Variants in UNK observed in about 807,000 individuals in gnomAD.
The protein encoded by UNK is unk zinc finger.
Under a neutral mutation model 97.6 loss-of-function variants are expected in UNK, and 32 were observed. The ratio of observed to expected loss-of-function variants is 0.33; its 90% CI spans 0.25 to 0.44. The LOEUF (loss-of-function observed/expected upper bound fraction) is 0.44. Ranked by LOEUF, UNK falls within the 20% of genes least tolerant of loss-of-function variation. UNK has a pLI of 1.00. For missense variants in UNK, 771 were observed against 1,098.4 expected (o/e 0.70, Z 4.21); for synonymous variants, 441 against 461.2 (o/e 0.96, Z 0.56).
intron 1 of UNK, among the ~76,000 whole-genome samples, chr17:75,786,724 G>C (rs1359887214): frequency 1.3e-5 from 2 of 152,184 alleles, no homozygotes; most frequent in Non-Finnish European, 2.9e-5. Flanking sequence ...GGGTGTGCTG[G>C]CGGGCGCCTG....
chr17:75,795,363 A>G (rs897659217), intron 1 of UNK, among the ~76,000 whole-genome samples: 1 of 151,928 alleles, frequency 6.6e-6, no homozygotes, highest in Non-Finnish European at 1.5e-5. Context: ...TTTTTGAGAC[A>G]GGGTCTCGCT....
In UNK at chr17:75,819,883, C is replaced by T. The variant is rs2062050795; in HGVS notation, c.1649-37C>T. Reference sequence around the variant, plus strand: ...GTGTGGCCCGCCTGGCTTCCGCTGCCCTCACCCAGCCCGTCCTCCCCGGGC... The same window carrying T: ...GTGTGGCCCGCCTGGCTTCCGCTGCTCTCACCCAGCCCGTCCTCCCCGGGC... On this transcript the variant is annotated intron_variant, in intron 12 of 15. Coordinates refer to ENST00000589666, the MANE Select transcript of UNK (RefSeq NM_001080419.3). This position sits in a 1 kb window ranked among gnomAD's most constrained non-coding sequence, Gnocchi z 5.4. 1 of 1,601,880 alleles carries T rather than the reference C, an allele frequency of 6.2e-7. No homozygotes were observed. The highest frequency in any genetic ancestry group is 8.5e-7 in the Non-Finnish European group (1 of 1,173,536).
At chr17:75,813,243 G>C (rs1370497936) in intron 5 of UNK, 30 bp downstream of exon 5, 1 of 1,555,254 alleles carries the variant, frequency 6.4e-7, no homozygotes, top group South Asian at 1.2e-5. Context: ...CCAGCCACGG[G>C]AGGGAGGAGT....
In UNK at chr17:75,812,295, T is replaced by C; in HGVS notation, c.491+7T>C. The C allele has an allele frequency of 6.2e-7, 1 of 1,608,340 alleles. No individual in the cohort carries two copies. Among genetic ancestry groups the C allele is most frequent in the Non-Finnish European group, 8.5e-7 (1 of 1,176,260 alleles). Reference sequence around the variant, plus strand: ...CCCCTGTCTACGACATCAGGTGGGCTGGGTGCTGGGCTGGGCTGATGGCAG... The same window carrying C: ...CCCCTGTCTACGACATCAGGTGGGCCGGGTGCTGGGCTGGGCTGATGGCAG... On this transcript the variant is annotated splice_region_variant and intron_variant, in intron 3 of 15. Transcript: ENST00000589666.
intron 4 of UNK, 82 bp from the exon 5 acceptor site, chr17:75,812,993 TCTC>T (rs2061984014): frequency 1.4e-6 from 2 of 1,467,288 alleles, no homozygotes; most frequent in Admixed American, 2.5e-5. Context: ...CCCAGTGGCT[TCTC>T]CTTCCCTCCA....
At position 75,803,321 on chromosome 17, in the gene UNK, T is replaced by G. The variant is rs186917058; in HGVS notation, c.105-6439T>G. ...GGGAGCCTGAGGCAGAAGAATCACT[T>G]GAACCCGGGAGGCGGAGGTTGCAGT... On this transcript the variant is annotated intron_variant, in intron 1 of 15. Transcript: ENST00000589666. Among the ~76,000 whole-genome samples, 575 of 152,264 alleles carry G rather than the reference T, an allele frequency of 3.8e-3. 2 individuals carry two copies. The highest frequency in any genetic ancestry group is 0.014 in the Middle Eastern group (4 of 294).
At chr17:75,803,277 C>T (rs1253449567) in intron 1 of UNK, among the ~76,000 whole-genome samples, 2 of 152,262 alleles carry the variant, frequency 1.3e-5, no homozygotes, top group East Asian at 3.9e-4. Flanking sequence ...GTGGCAGGCA[C>T]CTGTAGTCCC....
rs766986961 is a variant in UNK at position 75,821,563 on chromosome 17, C to T, written c.1838-914C>T. ...CAGACAGTGCATGCCACAGGGTCTC[C>T]GCACAGGACCATGTCCCTCCTCTGT... On this transcript the variant is annotated intron_variant, in intron 13 of 15. Coordinates refer to ENST00000589666, the MANE Select transcript of UNK (RefSeq NM_001080419.3). 30 of 455,200 alleles carry T rather than the reference C, an allele frequency of 6.6e-5. 1 individual carries two copies. Among genetic ancestry groups the T allele is most frequent in the South Asian group, 3.7e-4 (24 of 64,368 alleles). 28.2% of individuals were successfully genotyped at this position (455,200 alleles called of 1,614,324 possible).
At position 75,818,570 on chromosome 17, in the gene UNK, C is replaced by T. The variant is rs2062037584; in HGVS notation, c.1372-72C>T. 1 of 1,500,050 alleles carries T rather than the reference C, an allele frequency of 6.7e-7. No homozygotes were observed. The highest frequency in any genetic ancestry group is 8.9e-7 in the Non-Finnish European group (1 of 1,117,688). 92.9% of individuals were successfully genotyped at this position (1,500,050 alleles called of 1,614,324 possible). The stretch of plus-strand genomic sequence containing the variant: ...GGGCCATTTCCCTTGCCCCCAGCCC[C>T]TCTCCAGCCTCTCGTCCTGGCCTCC... On this transcript the variant is annotated intron_variant, in intron 10 of 15. Coordinates refer to ENST00000589666, the MANE Select transcript of UNK (RefSeq NM_001080419.3). The surrounding 1 kb of genome is among the most constrained non-coding windows in gnomAD (Gnocchi z 5.1).
In UNK at chr17:75,818,728, T is replaced by A; in HGVS notation, c.1458T>A (p.Pro486=). The change falls in exon 11 of 16, where the codon CCT becomes CCA. Residue 486 remains proline (P), a synonymous_variant. Transcript: ENST00000589666. The surrounding 1 kb of genome is among the most constrained non-coding windows in gnomAD (Gnocchi z 5.1). The part of the protein sequence containing the change: ...SITSSLAATP[P]SPVGTSSVPG... ...CCTCCAGCCTGGCAGCTACCCCCCC[T>A]AGCCCAGTGGGCACCAGCAGCGTCC... 1 of 1,613,074 alleles carries A rather than the reference T, an allele frequency of 6.2e-7. No homozygotes were observed. Among genetic ancestry groups the A allele is most frequent in the Non-Finnish European group, 8.5e-7 (1 of 1,179,560 alleles).
In UNK at chr17:75,816,656, AC is replaced by A; in HGVS notation, c.962-112del. ...TGGTGTTACTAGAGATGTCGTAGGA[AC>A]CTTCCCTTTATGTGCAGGGGGATTT... On this transcript the variant is annotated intron_variant, in intron 7 of 15. Transcript: ENST00000589666. The surrounding 1 kb of genome is among the most constrained non-coding windows in gnomAD (Gnocchi z 4.0). 1 of 1,324,106 alleles carries A rather than the reference AC, an allele frequency of 7.6e-7. No individual in the cohort carries two copies. Among genetic ancestry groups the A allele is most frequent in the Non-Finnish European group, 1.0e-6 (1 of 995,298 alleles). 82.0% of individuals were successfully genotyped at this position (1,324,106 alleles called of 1,614,324 possible). A position where few individuals can be genotyped will look rare whatever the true frequency, so the allele number is the denominator to read the frequency against.
At chr17:75,802,636 A>C (rs998752035) in intron 1 of UNK, among the ~76,000 whole-genome samples, 5 of 152,196 alleles carry the variant, frequency 3.3e-5, no homozygotes, top group Non-Finnish European at 7.3e-5. Flanking sequence ...CTACAACTGA[A>C]GCAGGTTTCT....
intron 2 of UNK, among the ~76,000 whole-genome samples, chr17:75,810,507 G>A (rs1599379043): frequency 1.3e-5 from 2 of 152,032 alleles, no homozygotes; most frequent in East Asian, 1.9e-4. Flanking sequence ...TGTCACCGAC[G>A]GAACATTCAC....
rs188291138 is a variant in UNK, at chr17:75,820,787, C to T, written c.1837+679C>T. ...CGGGATGGGAAGCACATGGCACCAC[C>T]GCTCTCACTCTCCCCCAGCAGCTGC... is the stretch of plus-strand genomic sequence containing the variant. On this transcript the variant is annotated intron_variant, in intron 13 of 15. Coordinates refer to ENST00000589666, the MANE Select transcript of UNK (RefSeq NM_001080419.3). Among the ~76,000 whole-genome samples, 22 of 152,260 alleles carry T rather than the reference C, an allele frequency of 1.4e-4. No individual in the cohort carries two copies. In the East Asian group the frequency reaches 2.5e-3, roughly 17 times the overall value.
chr17:75,817,983 T>G lies in UNK; in HGVS notation c.1306-120T>G. On this transcript the variant is annotated intron_variant, in intron 9 of 15. Coordinates refer to ENST00000589666, the MANE Select transcript of UNK (RefSeq NM_001080419.3). The surrounding 1 kb of genome is among the most constrained non-coding windows in gnomAD (Gnocchi z 5.8). ...AGGAAGAAGGGGGTGTGTGCATGCA[T>G]GTGAAGAGGGGTTGCATGTCTGCCA... is the stretch of plus-strand genomic sequence containing the variant. 1 of 916,470 alleles carries G rather than the reference T, an allele frequency of 1.1e-6. No homozygotes were observed. The highest frequency in any genetic ancestry group is 1.4e-5 in the South Asian group (1 of 70,220). The allele number at this position is 916,470 out of a possible 1,614,324, so 56.8% of individuals were successfully genotyped here. A position where few individuals can be genotyped will look rare whatever the true frequency, so the allele number is the denominator to read the frequency against.
chr17:75,823,146 G>C, intron 14 of UNK, 119 bp from the exon 15 acceptor site: 1 of 1,464,032 alleles, frequency 6.8e-7, no homozygotes, highest in Non-Finnish European at 9.1e-7. Flanking sequence ...CCTCCTCCCA[G>C]AGAGCCAACC....
At chr17:75,795,930 G>A (rs2061801959) in intron 1 of UNK, among the ~76,000 whole-genome samples, 1 of 152,186 alleles carries the variant, frequency 6.6e-6, no homozygotes, top group Non-Finnish European at 1.5e-5. Flanking sequence ...AAAGTGGGCT[G>A]AAATAATTGC....
Position 75,818,663 on chromosome 17 carries a change from G to T in UNK, c.1393G>T (p.Ala465Ser). The T allele has an allele frequency of 1.9e-6, 3 of 1,597,446 alleles. No homozygotes were observed. Among genetic ancestry groups the T allele is most frequent in the Non-Finnish European group, 2.6e-6 (3 of 1,170,770 alleles). The change falls in exon 11 of 16, where the codon GCA becomes TCA. Residue 465 changes from alanine to serine, a missense_variant. Physicochemically the swap from Ala to Ser is moderately conservative, Grantham distance 99 (BLOSUM62 1). Transcript: ENST00000589666. This position sits in a 1 kb window ranked among gnomAD's most constrained non-coding sequence, Gnocchi z 5.1. ...PKQDMLGILP[A>S]GSPLTSSISS... ...GCAGGACATGCTGGGCATCCTCCCC[G>T]CAGGCAGCCCCCTGACCTCAAGCAT...
At position 75,809,962 on chromosome 17, in the gene UNK, G is replaced by A. The variant is rs2061953318; in HGVS notation, c.307G>A (p.Gly103Ser). ...CGAGGCTACAGGCCTCTGCCCGGAG[G>A]GCGACGAGTGAGTGACCCAGCCTGT... ...YDEATGLCPE[G>S]DECPFLHRTT... Residue 103 changes from glycine (G) to serine (S), a missense_variant, in exon 2 of 16, where the codon GGC becomes AGC. Gly to Ser is a moderately conservative substitution (Grantham distance 56). This residue lies in a region of UNK where 246 missense variants were observed against 440.7 expected (regional missense o/e 0.56). Coordinates refer to ENST00000589666, the MANE Select transcript of UNK (RefSeq NM_001080419.3). 2 of 1,613,380 alleles carry A rather than the reference G, an allele frequency of 1.2e-6. No homozygotes were observed. Among genetic ancestry groups the A allele is most frequent in the Non-Finnish European group, 8.5e-7 (1 of 1,179,894 alleles).
Sources: allele counts gnomAD v4.1 joint callset (sites outside exome capture counted in the v4.1 genomes callset), GRCh38; gene constraint gnomAD v4.1.1; regional missense constraint gnomAD v4.1.1; non-coding constraint Gnocchi (gnomAD v3.1); transcripts MANE v1.5; gene names NCBI Gene and HGNC (gene_info 2026-07-23, HGNC 2026-07-21).